PTPRK: variants seen among roughly 807,000 people sequenced by gnomAD.
The protein encoded by PTPRK is receptor-type tyrosine-protein phosphatase kappa.
PTPRK carries 75 observed loss-of-function variants against 178.0 expected under a neutral mutation model. The observed-to-expected ratio is 0.42, with a 90% confidence interval of 0.35 to 0.51. The LOEUF is 0.51. Ranked by LOEUF, PTPRK falls within the 20% of genes least tolerant of loss-of-function variation. The pLI is 0.02. For synonymous variants in PTPRK, 637 were observed against 620.6 expected (o/e 1.03, Z -0.39); for missense variants, 1,441 against 1,797.8 (o/e 0.80, Z 3.59).
rs1306614692 is a variant in PTPRK at position 128,002,563 on chromosome 6, C to A, written c.2494+2521G>T. Among the ~76,000 whole-genome samples, 4 of 151,756 alleles carry A rather than the reference C, an allele frequency of 2.6e-5. No homozygotes were observed. In the South Asian group the frequency reaches 6.2e-4, roughly 24 times the overall value. ...TAATATAATTTTACATCTGTAAAAG[C>A]GTTAATTGTCATTAGTAATAGCATT... On this transcript the variant is annotated intron_variant, in intron 15 of 29. Transcript: ENST00000368226.
At chr6:128,482,619 A>G (rs907551366) in intron 1 of PTPRK, among the ~76,000 whole-genome samples, 2 of 152,182 alleles carry the variant, frequency 1.3e-5, no homozygotes, top group Non-Finnish European at 2.9e-5. Flanking sequence ...TAACAGCCAA[A>G]TCACAGAAAA....
intron 1 of PTPRK, among the ~76,000 whole-genome samples, chr6:128,514,417 T>G (rs1242086322): frequency 6.6e-6 from 1 of 151,138 alleles, no homozygotes; most frequent in African/African-American, 2.4e-5. Context: ...CACAGAGGAC[T>G]ACATACTTAC....
chr6:128,397,581 G>A lies in PTPRK; in HGVS notation c.208C>T (p.Pro70Ser). Reference sequence around the variant, plus strand: ...TGACTCTCACCTTGGGGCATCTCGGGTGGTAGATAATGAGGCTCTTGAGCA... The same window carrying A: ...TGACTCTCACCTTGGGGCATCTCGGATGGTAGATAATGAGGCTCTTGAGCA... ...VSAQEPHYLPPEMPQGSYMIV... is the reference protein window; with the variant it reads ...VSAQEPHYLPSEMPQGSYMIV... Residue 70 changes from proline (P) to serine (S), a missense_variant, in exon 2 of 30, where the codon CCC becomes TCC. By Grantham distance (74) the Pro-to-Ser change is moderately conservative. Around this residue, in one of 4 missense-constraint regions of PTPRK, gnomAD observed 158 missense variants for 188.0 expected, o/e 0.84. Transcript: ENST00000368226. 6.2e-7 allele frequency: 1 copy of A among 1,613,806 alleles called. No homozygotes were observed. Among genetic ancestry groups the A allele is most frequent in the Non-Finnish European group, 8.5e-7 (1 of 1,179,874 alleles).
At chr6:128,254,041 C>A (rs907347340) in intron 3 of PTPRK, among the ~76,000 whole-genome samples, 1 of 152,058 alleles carries the variant, frequency 6.6e-6, no homozygotes, top group African/African-American at 2.4e-5. Context: ...AAAGAGAATT[C>A]TCTACTTACA....
intron 13 of PTPRK, among the ~76,000 whole-genome samples, chr6:128,045,920 T>A (rs1002102108): frequency 2.0e-5 from 3 of 152,156 alleles, no homozygotes; most frequent in Non-Finnish European, 2.9e-5. Context: ...ATTTTTATTC[T>A]ACTCCAGTTT....
At chr6:128,401,016 T>A (rs1584537695) in intron 1 of PTPRK, among the ~76,000 whole-genome samples, 1 of 152,126 alleles carries the variant, frequency 6.6e-6, no homozygotes, top group African/African-American at 2.4e-5. Flanking sequence ...CTACAATGAG[T>A]AGCTGCAAAT....
intron 2 of PTPRK, among the ~76,000 whole-genome samples, chr6:128,324,182 C>A (rs558514816): frequency 5.3e-5 from 8 of 152,146 alleles, no homozygotes; most frequent in African/African-American, 1.9e-4. Flanking sequence ...AACAGTTCCA[C>A]CCCCTCCCCT....
intron 1 of PTPRK, among the ~76,000 whole-genome samples, chr6:128,497,030 A>G (rs1173923462): frequency 1.3e-5 from 2 of 152,334 alleles, no homozygotes; most frequent in South Asian, 2.1e-4. Context: ...AAGTACACCA[A>G]AATAACTCTA....
chr6:128,304,437 T>C (rs375517305), intron 3 of PTPRK, among the ~76,000 whole-genome samples: 2 of 152,240 alleles, frequency 1.3e-5, no homozygotes, highest in South Asian at 2.1e-4. Context: ...ACCCCTTTGG[T>C]TGGACTTTAA....
chr6:128,017,730 T>TATATATATAATATATAAATAA (rs1779737040), intron 13 of PTPRK, among the ~76,000 whole-genome samples: 1 of 136,860 alleles, frequency 7.3e-6, no homozygotes, highest in African/African-American at 2.7e-5. Context: ...TCTCTCTCTC[T>TATATATATAATATATAAATAA]ATATATATAA....
intron 3 of PTPRK, among the ~76,000 whole-genome samples, chr6:128,278,072 T>C (rs1821014007): frequency 6.6e-6 from 1 of 152,110 alleles, no homozygotes; most frequent in Non-Finnish European, 1.5e-5. Flanking sequence ...CCAAAAAAGC[T>C]AGTAGTACCA....
At chr6:128,467,677 C>G (rs1402483697) in intron 1 of PTPRK, among the ~76,000 whole-genome samples, 4 of 152,202 alleles carry the variant, frequency 2.6e-5, no homozygotes, top group Admixed American at 1.3e-4. Context: ...TTTCTGGCCA[C>G]TCGTAGGTTT....
chr6:128,258,416 A>G (rs759952567), intron 3 of PTPRK, among the ~76,000 whole-genome samples: 1 of 152,196 alleles, frequency 6.6e-6, no homozygotes, highest in East Asian at 1.9e-4. Context: ...TGAAGTGCTC[A>G]TGCTAACACT....
At chr6:128,419,049 A>G (rs1843157439) in intron 1 of PTPRK, among the ~76,000 whole-genome samples, 1 of 152,170 alleles carries the variant, frequency 6.6e-6, no homozygotes, top group Middle Eastern at 3.2e-3. Flanking sequence ...AATGTCTACA[A>G]AGAACTAGTA....
At chr6:128,246,919 G>T (rs757343213) in intron 3 of PTPRK, among the ~76,000 whole-genome samples, 2 of 152,186 alleles carry the variant, frequency 1.3e-5, no homozygotes, top group Non-Finnish European at 2.9e-5. Context: ...GTGAAATAAA[G>T]TTGAATTAAA....
At chr6:128,502,106 C>T (rs1057487149) in intron 1 of PTPRK, among the ~76,000 whole-genome samples, 1 of 152,154 alleles carries the variant, frequency 6.6e-6, no homozygotes, top group Admixed American at 6.6e-5. Context: ...TTACTGAAAA[C>T]CCACTACCTA....
chr6:128,366,082 GC>G (rs1835438132), intron 2 of PTPRK, among the ~76,000 whole-genome samples: 1 of 152,034 alleles, frequency 6.6e-6, no homozygotes, highest in African/African-American at 2.4e-5. Flanking sequence ...TGATGAACTA[GC>G]CCTTACCATT....
At chr6:127,993,254 G>A (rs1776798813) in intron 18 of PTPRK, among the ~76,000 whole-genome samples, 1 of 151,654 alleles carries the variant, frequency 6.6e-6, no homozygotes, top group Non-Finnish European at 1.5e-5. Context: ...AAACTATTTT[G>A]TGCGTGCTCA....
intron 4 of PTPRK, among the ~76,000 whole-genome samples, chr6:128,240,395 A>C: frequency 6.6e-6 from 1 of 152,112 alleles, no homozygotes; most frequent in East Asian, 1.9e-4. Flanking sequence ...ATTGTTCTCT[A>C]CAGAGTGAGC....
Sources: gnomAD v4.1 joint callset for allele counts (sites outside exome capture counted in the v4.1 genomes callset) on GRCh38, gnomAD v4.1.1 for gene constraint, gnomAD v4.1.1 regional missense constraint, MANE v1.5 for transcripts, NCBI Gene and HGNC (gene_info 2026-07-23, HGNC 2026-07-21) for gene names.